CNTN4: variants seen among roughly 807,000 people sequenced by gnomAD.
CNTN4 encodes contactin 4, also known as contactin-4.
CNTN4 carries 77 observed loss-of-function variants against 122.5 expected under a neutral mutation model. The ratio of observed to expected loss-of-function variants is 0.63; its 90% CI spans 0.52 to 0.76. The LOEUF is 0.76. CNTN4 is among the 30% of genes least tolerant of loss of function. The pLI, the probability that CNTN4 is intolerant of heterozygous loss-of-function variation, is 0.00. For synonymous variants in CNTN4, 512 were observed against 447.0 expected, an observed-to-expected ratio of 1.15 and a Z score of -1.83; for missense variants, 1,256 against 1,259.1, an observed-to-expected ratio of 1.00 and a Z score of 0.04.
intron 2 of CNTN4, among the ~76,000 whole-genome samples, chr3:2,116,204 A>C (rs1559256151): frequency 6.6e-6 from 1 of 152,186 alleles, no homozygotes; most frequent in Non-Finnish European, 1.5e-5. Flanking sequence ...TTTCATACCC[A>C]GTTTACTGTT....
At chr3:2,510,207 A>T (rs553898758) in intron 3 of CNTN4, among the ~76,000 whole-genome samples, 101 of 152,278 alleles carry the variant, frequency 6.6e-4, no homozygotes, top group Admixed American at 1.4e-3. Flanking sequence ...CCCCAGTGCT[A>T]TTACGAGGTG....
intron 12 of CNTN4, among the ~76,000 whole-genome samples, chr3:2,904,250 C>A (rs2094205674): frequency 6.6e-6 from 1 of 152,206 alleles, no homozygotes; most frequent in South Asian, 2.1e-4. Flanking sequence ...GGAGCTAATT[C>A]ACGTGCTCTG....
chr3:2,160,261 C>A lies in CNTN4; in HGVS notation c.-145+59622C>A, dbSNP rs527572851. On this transcript the variant is annotated intron_variant, in intron 2 of 24. Coordinates refer to ENST00000418658, the MANE Select transcript of CNTN4 (RefSeq NM_175607.3). Reference sequence around the variant, plus strand: ...GGTTGGCGGTCACCTGGACTAAAACCATCGTTTTACTGAAAAAGCAATTGT... The same window carrying A: ...GGTTGGCGGTCACCTGGACTAAAACAATCGTTTTACTGAAAAAGCAATTGT... 1.9e-4 allele frequency among the ~76,000 whole-genome samples: 29 copies of A among 152,128 alleles called. No homozygotes were observed. In the South Asian group the frequency reaches 6.0e-3, roughly 32 times the overall value.
intron 6 of CNTN4, among the ~76,000 whole-genome samples, chr3:2,797,920 ATTTTTTT>A (rs10684232): frequency 7.3e-6 from 1 of 137,840 alleles, no homozygotes; most frequent in Non-Finnish European, 1.5e-5. Context: ...CACACTGAGT[ATTTTTTT>A]TTTTTTTTTG....
chr3:2,669,291 G>A (rs530114902), intron 4 of CNTN4, among the ~76,000 whole-genome samples: 1 of 152,180 alleles, frequency 6.6e-6, no homozygotes, highest in African/African-American at 2.4e-5. Context: ...TCTATTCAGA[G>A]ATTCAACTTC....
At position 2,709,640 on chromosome 3, in the gene CNTN4, G is replaced by A. The variant is rs1213055251; in HGVS notation, c.56-26575G>A. Among the ~76,000 whole-genome samples the A allele has an allele frequency of 6.6e-6, 1 of 152,146 alleles. No individual in the cohort carries two copies. The highest frequency in any genetic ancestry group is 1.9e-4 in the East Asian group (1 of 5,202). On this transcript the variant is annotated intron_variant, in intron 4 of 24. Coordinates refer to ENST00000418658, the MANE Select transcript of CNTN4 (RefSeq NM_175607.3). This position sits in a 1 kb window ranked among gnomAD's most constrained non-coding sequence, Gnocchi z 5.0. ...TTTAAATTCCACAATGTGGCTGGGTGCGGTGGCTCTCACCTGTAACCGCAG... is the reference window on the plus strand; with the variant it reads ...TTTAAATTCCACAATGTGGCTGGGTACGGTGGCTCTCACCTGTAACCGCAG...
rs988120213 is a variant in CNTN4, at chr3:2,902,795, T to A, written c.1078-81T>A. The A allele has an allele frequency of 1.2e-5, 18 of 1,456,806 alleles. No homozygotes were observed. The African/African-American group carries it at 2.1e-4, about 17-fold the overall frequency. The allele number at this position is 1,456,806 out of a possible 1,614,324, so 90.2% of individuals were successfully genotyped here. ...GCTGTTTTCTTCCCATTAAGCTTCC[T>A]TGATATTACACATGGTAAAATTGCC... On this transcript the variant is annotated intron_variant, in intron 11 of 24. Transcript: ENST00000418658.
At chr3:2,391,393 T>C (rs2150885257) in intron 3 of CNTN4, among the ~76,000 whole-genome samples, 2 of 152,234 alleles carry the variant, frequency 1.3e-5, no homozygotes, top group South Asian at 4.1e-4. Context: ...CATGGCTGAG[T>C]CATTATCAAA....
intron 3 of CNTN4, among the ~76,000 whole-genome samples, chr3:2,431,620 G>A (rs1982999): frequency 0.94 from 142,250 of 152,012 alleles, 66,600 homozygotes; most frequent in East Asian, 0.99. Context: ...GACTGAACAC[G>A]TGTTATGTGT....
At chr3:2,540,900 A>C (rs1230698642) in intron 3 of CNTN4, among the ~76,000 whole-genome samples, 2 of 152,154 alleles carry the variant, frequency 1.3e-5, no homozygotes, top group African/African-American at 4.8e-5. Flanking sequence ...TGTCAAACTA[A>C]CAATGGAACC....
chr3:3,050,181 A>G (rs1405801071), intron 23 of CNTN4, among the ~76,000 whole-genome samples: 1 of 152,180 alleles, frequency 6.6e-6, no homozygotes, highest in East Asian at 1.9e-4. Flanking sequence ...TGGAGAGGAC[A>G]AGCATCCAAA....
intron 12 of CNTN4, among the ~76,000 whole-genome samples, chr3:2,906,166 T>A (rs1391228180): frequency 1.3e-5 from 2 of 151,692 alleles, no homozygotes; most frequent in African/African-American, 4.8e-5. Flanking sequence ...GAATGCTGGT[T>A]GTCAGGGTCG....
At chr3:2,887,015 C>T (rs1009422088) in intron 9 of CNTN4, 25 bp from the exon 10 acceptor site, 3 of 1,604,726 alleles carry the variant, frequency 1.9e-6, no homozygotes, top group Non-Finnish European at 2.6e-6. Flanking sequence ...TAGTTTGATT[C>T]ACTCCTTTTT....
At chr3:2,874,219 G>T (rs959781354) in intron 8 of CNTN4, among the ~76,000 whole-genome samples, 2 of 152,118 alleles carry the variant, frequency 1.3e-5, no homozygotes, top group African/African-American at 4.8e-5. Flanking sequence ...TGGCCATTTG[G>T]CTACTCAGTT....
chr3:2,974,624 C>A (rs1693248462), intron 13 of CNTN4, among the ~76,000 whole-genome samples: 1 of 152,172 alleles, frequency 6.6e-6, no homozygotes, highest in South Asian at 2.1e-4. Context: ...GGAGAGACGT[C>A]AGTTCAGGAA....
chr3:2,627,777 G>A (rs571917927), intron 4 of CNTN4, among the ~76,000 whole-genome samples: 33 of 152,260 alleles, frequency 2.2e-4, no homozygotes, highest in Admixed American at 1.7e-3. Context: ...ACAGGCGTGA[G>A]CCACCGTGCC....
At chr3:2,239,135 C>T (rs1282959256) in intron 2 of CNTN4, 1 of 152,016 alleles carries the variant, frequency 6.6e-6, no homozygotes. Context: ...TAATTTAGTG[C>T]ATATATCATA....
chr3:2,916,604 C>G (rs2094359131), intron 12 of CNTN4, among the ~76,000 whole-genome samples: 1 of 124,892 alleles, frequency 8.0e-6, no homozygotes, highest in Non-Finnish European at 1.7e-5. Context: ...CTACTTCTTT[C>G]TACACAGACA....
chr3:2,332,768 A>G (rs916163612), intron 2 of CNTN4, among the ~76,000 whole-genome samples: 1 of 150,742 alleles, frequency 6.6e-6, no homozygotes, highest in African/African-American at 2.4e-5. Context: ...TAGGAGATAT[A>G]CCTAATGCTA....
Sources: allele counts gnomAD v4.1 joint callset (sites outside exome capture counted in the v4.1 genomes callset), GRCh38; gene constraint gnomAD v4.1.1; non-coding constraint Gnocchi (gnomAD v3.1); transcripts MANE v1.5; gene names NCBI Gene and HGNC (gene_info 2026-07-23, HGNC 2026-07-21).